CEP85L: variants seen among roughly 807,000 people sequenced by gnomAD.
The protein encoded by CEP85L is centrosomal protein of 85 kDa-like.
A neutral mutation model predicts 100.3 loss-of-function variants in CEP85L; 60 were observed. That is an observed-to-expected ratio of 0.60 (90% CI 0.49 to 0.74). The LOEUF (loss-of-function observed/expected upper bound fraction) is 0.74, where lower values mean the gene tolerates loss of function less well. CEP85L is among the 30% of genes least tolerant of loss of function. The probability of loss-of-function intolerance (pLI) is 0.00; values close to 1 mark genes in which losing one functional copy is unlikely to be tolerated. For synonymous variants in CEP85L, 319 were observed against 322.7 expected (o/e 0.99, Z 0.12); for missense variants, 973 against 936.2 (o/e 1.04, Z -0.51).
chr6:118,510,556 G>A (rs1322623749), intron 5 of CEP85L, among the ~76,000 whole-genome samples: 2 of 151,964 alleles, frequency 1.3e-5, no homozygotes, highest in Non-Finnish European at 2.9e-5. Context: ...CCTACTAGAA[G>A]GGCAAAAATC....
chr6:118,471,745 T>C (rs1035827999), intron 10 of CEP85L, among the ~76,000 whole-genome samples: 3 of 151,114 alleles, frequency 2.0e-5, no homozygotes, highest in African/African-American at 7.3e-5. Flanking sequence ...TAGGGAAAAG[T>C]TGTTTTATAT....
intron 1 of CEP85L, among the ~76,000 whole-genome samples, chr6:118,680,117 C>A (rs1776601912): frequency 6.6e-6 from 1 of 151,544 alleles, no homozygotes; most frequent in African/African-American, 2.4e-5. Flanking sequence ...GAGACCCCCA[C>A]CCCAGCTCCA....
chr6:118,476,274 A>G (rs1181484361), intron 10 of CEP85L, among the ~76,000 whole-genome samples: 1 of 151,258 alleles, frequency 6.6e-6, no homozygotes, highest in African/African-American at 2.4e-5. Context: ...CCAAGACTAC[A>G]GTGTGTGCGT....
intron 1 of CEP85L, among the ~76,000 whole-genome samples, chr6:118,670,108 C>A (rs1212749596): frequency 6.6e-6 from 1 of 151,940 alleles, no homozygotes; most frequent in African/African-American, 2.4e-5. Flanking sequence ...CTTGGCAGTA[C>A]CTTCTATCAG....
At chr6:118,594,885 A>G (rs1384867433) in intron 2 of CEP85L, among the ~76,000 whole-genome samples, 1 of 151,888 alleles carries the variant, frequency 6.6e-6, no homozygotes, top group Non-Finnish European at 1.5e-5. Context: ...ACAAAACAAA[A>G]AAAAAAAACC....
chr6:118,640,924 G>C (rs1310323784), intron 1 of CEP85L, among the ~76,000 whole-genome samples: 1 of 151,998 alleles, frequency 6.6e-6, no homozygotes, highest in African/African-American at 2.4e-5. Context: ...TTTCCAGAAG[G>C]ATAACTAAAA....
intron 2 of CEP85L, among the ~76,000 whole-genome samples, chr6:118,612,756 C>G (rs548815345): frequency 4.1e-5 from 6 of 146,944 alleles, no homozygotes; most frequent in Non-Finnish European, 8.9e-5. Context: ...GTTCAACAGA[C>G]CCAAAGCAGA....
chr6:118,649,543 T>A (rs1256897225), intron 1 of CEP85L, among the ~76,000 whole-genome samples: 3 of 152,194 alleles, frequency 2.0e-5, no homozygotes, highest in Non-Finnish European at 4.4e-5. Flanking sequence ...TAAATTTTAA[T>A]AGGTTAGATT....
chr6:118,515,769 A>AT (rs1582954332), intron 4 of CEP85L, among the ~76,000 whole-genome samples: 2 of 152,198 alleles, frequency 1.3e-5, no homozygotes, highest in Admixed American at 1.3e-4. Flanking sequence ...TTTTTATTTT[A>AT]TTATACTTTA....
chr6:118,612,236 C>A (rs1772675475), intron 2 of CEP85L, among the ~76,000 whole-genome samples: 1 of 149,614 alleles, frequency 6.7e-6, no homozygotes, highest in African/African-American at 2.5e-5. Flanking sequence ...TCCTGAGAAG[C>A]AAAGAGGAAG....
At chr6:118,527,053 T>C (rs938818197) in intron 3 of CEP85L, among the ~76,000 whole-genome samples, 1 of 148,664 alleles carries the variant, frequency 6.7e-6, no homozygotes, top group Admixed American at 6.7e-5. Flanking sequence ...CTCACTCTTG[T>C]TGCCCAGGCT....
At chr6:118,540,045 C>T (rs1379192346) in intron 3 of CEP85L, among the ~76,000 whole-genome samples, 2 of 150,934 alleles carry the variant, frequency 1.3e-5, no homozygotes, top group African/African-American at 4.9e-5. Flanking sequence ...ATTGCTGATG[C>T]CGATGTCTTT....
At chr6:118,473,340 G>T (rs1350447436) in intron 10 of CEP85L, among the ~76,000 whole-genome samples, 1 of 152,160 alleles carries the variant, frequency 6.6e-6, no homozygotes, top group Non-Finnish European at 1.5e-5. Flanking sequence ...GAAATCTCAG[G>T]TAAGCAAGGG....
At chr6:118,599,572 C>T (rs1781618532) in intron 2 of CEP85L, among the ~76,000 whole-genome samples, 1 of 152,054 alleles carries the variant, frequency 6.6e-6, no homozygotes, top group South Asian at 2.1e-4. Flanking sequence ...TCAGTGTGGG[C>T]AGGACTCAGT....
At chr6:118,572,340 G>A (rs2115032055) in intron 2 of CEP85L, among the ~76,000 whole-genome samples, 1 of 148,908 alleles carries the variant, frequency 6.7e-6, no homozygotes, top group Admixed American at 6.7e-5. Context: ...CAGGTGACGA[G>A]GTCAAGATAT....
At chr6:118,695,270 A>G (rs1777169604) in intron 1 of CEP85L, among the ~76,000 whole-genome samples, 1 of 152,214 alleles carries the variant, frequency 6.6e-6, no homozygotes, top group Non-Finnish European at 1.5e-5. Flanking sequence ...TAAACGAGCA[A>G]GGTTCAGAAT....
At chr6:118,697,852 G>T (rs1179628930) in intron 1 of CEP85L, among the ~76,000 whole-genome samples, 2 of 152,104 alleles carry the variant, frequency 1.3e-5, no homozygotes. Context: ...CAGTCATCTG[G>T]TTTCTATCTG....
At chr6:118,542,722 C>A (rs1224776062) in intron 3 of CEP85L, among the ~76,000 whole-genome samples, 3 of 151,790 alleles carry the variant, frequency 2.0e-5, no homozygotes, top group African/African-American at 7.3e-5. Context: ...ATTATGGTTA[C>A]ACAAAACTAT....
chr6:118,506,626 T>C (rs1365905083), intron 5 of CEP85L, among the ~76,000 whole-genome samples: 5 of 152,226 alleles, frequency 3.3e-5, no homozygotes, highest in Non-Finnish European at 7.3e-5. Context: ...AAAGCACTTA[T>C]GAACCAATCT....
Sources: gnomAD v4.1 joint callset for allele counts (sites outside exome capture counted in the v4.1 genomes callset) on GRCh38, gnomAD v4.1.1 for gene constraint, MANE v1.5 for transcripts, NCBI Gene and HGNC (gene_info 2026-07-23, HGNC 2026-07-21) for gene names.